Variants in DDX42 observed in about 807,000 individuals in gnomAD.
DDX42 encodes DEAD-box helicase 42.
A neutral mutation model predicts 101.5 loss-of-function variants in DDX42; 22 were observed. That is an observed-to-expected ratio of 0.22 (90% CI 0.15 to 0.31). The LOEUF is 0.31. DDX42 is among the 10% of genes least tolerant of loss of function. The probability of loss-of-function intolerance (pLI) is 1.00; values close to 1 mark genes in which losing one functional copy is unlikely to be tolerated. For missense variants in DDX42, 849 were observed against 1,199.9 expected, an observed-to-expected ratio of 0.71 and a Z score of 4.32; for synonymous variants, 402 against 401.2, an observed-to-expected ratio of 1.00 and a Z score of -0.02.
intron 12 of DDX42, 75 bp from the exon 13 acceptor site, chr17:63,811,001 A>G (rs555349345): frequency 8.1e-7 from 1 of 1,232,284 alleles, no homozygotes; most frequent in African/African-American, 1.5e-5. Flanking sequence ...AATAATCCTG[A>G]ATGCCAAAGA....
Position 63,818,047 on chromosome 17 carries a change from A to G in DDX42, c.2466A>G (p.Gly822=), listed in dbSNP as rs1428782164. 1 of 1,614,000 alleles carries G rather than the reference A, an allele frequency of 6.2e-7. No homozygotes were observed. Among genetic ancestry groups the G allele is most frequent in the Admixed American group, 1.7e-5 (1 of 60,004 alleles). The change falls in exon 18 of 18, where the codon GGA becomes GGG. Residue 822 remains glycine (G), a synonymous_variant. Coordinates refer to ENST00000389924, the MANE Select transcript of DDX42 (RefSeq NM_203499.3). ...ENRGSSRHSH[G]ETGNRHSDSP... is the part of the protein sequence containing the mutation. ...GGGGCAGCAGCCGTCACAGTCACGG[A>G]GAGACTGGCAATCGGCATAGCGATA...
intron 1 of DDX42, 137 bp downstream of exon 1, chr17:63,774,513 G>C (rs1214580806): frequency 5.6e-6 from 1 of 177,574 alleles, no homozygotes; most frequent in Non-Finnish European, 1.2e-5. Flanking sequence ...ACCGGCGGCC[G>C]GGGTGCCGGG....
rs751261818 is a variant in DDX42, at chr17:63,817,865, G to A, written c.2284G>A (p.Gly762Ser). 4.3e-6 allele frequency: 7 copies of A among 1,614,050 alleles called. No homozygotes were observed. Among genetic ancestry groups the A allele is most frequent in the Non-Finnish European group, 5.9e-6 (7 of 1,180,026 alleles). Residue 762 changes from glycine to serine, a missense_variant, in exon 18 of 18, where the codon GGC (glycine) becomes AGC (serine). Physicochemically the swap from Gly to Ser is moderately conservative, Grantham distance 56. This residue lies in a region of DDX42 where 300 missense variants were observed against 304.9 expected (regional missense o/e 0.98). Coordinates refer to ENST00000389924, the MANE Select transcript of DDX42 (RefSeq NM_203499.3). ...PDSPVTSAAK[G>S]IPGFGNTGNI... ...CAGCCCCGTCACCAGTGCCGCCAAG[G>A]GCATCCCAGGCTTTGGCAATACTGG... is the stretch of plus-strand genomic sequence containing the variant.
chr17:63,809,695 C>G, intron 11 of DDX42, 36 bp downstream of exon 11: 3 of 1,528,322 alleles, frequency 2.0e-6, no homozygotes, highest in Non-Finnish European at 2.7e-6. Flanking sequence ...TGTCCCCATC[C>G]TCATGATACT....
intron 17 of DDX42, 52 bp downstream of exon 17, chr17:63,817,018 G>C (rs774689334): frequency 6.6e-7 from 1 of 1,507,540 alleles, no homozygotes; most frequent in African/African-American, 1.4e-5. Flanking sequence ...CTCTTGGGCA[G>C]TGACAGAGGG....
In DDX42 at chr17:63,816,972, A is replaced by C; in HGVS notation, c.2112+6A>C. On this transcript the variant is annotated splice_donor_region_variant and intron_variant, in intron 17 of 17. Transcript: ENST00000389924. The stretch of plus-strand genomic sequence containing the variant: ...CAATGAAAGCAGCTTTCCAGGTCTG[A>C]AATAAGCATTTCATTAAAAGCACTT... 1 of 1,612,242 alleles carries C rather than the reference A, an allele frequency of 6.2e-7. No individual in the cohort carries two copies. The highest frequency in any genetic ancestry group is 8.5e-7 in the Non-Finnish European group (1 of 1,178,896).
At chr17:63,783,273 A>G (rs1456960458) in intron 1 of DDX42, among the ~76,000 whole-genome samples, 1 of 152,228 alleles carries the variant, frequency 6.6e-6, no homozygotes, top group East Asian at 1.9e-4. Context: ...TGACCTTCTC[A>G]GCAAGCTTTC....
intron 17 of DDX42, 32 bp downstream of exon 17, chr17:63,816,998 TC>T (rs756173294): frequency 3.8e-5 from 60 of 1,592,298 alleles, no homozygotes; most frequent in Admixed American, 8.4e-5. Flanking sequence ...AAAAGCACTT[TC>T]AGCAGTAACT....
rs780070919 is a variant in DDX42, at chr17:63,787,905, G to GTTTT, written c.221+649_221+652dup. Among the ~76,000 whole-genome samples the GTTTT allele has an allele frequency of 1.8e-4, 19 of 107,870 alleles. 1 individual carries two copies. The highest frequency in any genetic ancestry group is 5.1e-4 in the African/African-American group (12 of 23,744). The allele number at this position is 107,870 out of a possible 152,430, so 70.8% of individuals were successfully genotyped here. ...TGAAGAGTTTTATATAATTCATGTG[G>GTTTT]TTTTTTTTTTTTTTTTTGGAGGCAG... On this transcript the variant is annotated intron_variant, in intron 2 of 17. Coordinates refer to ENST00000389924, the MANE Select transcript of DDX42 (RefSeq NM_203499.3).
intron 3 of DDX42, among the ~76,000 whole-genome samples, chr17:63,796,380 G>T (rs974159835): frequency 8.5e-5 from 13 of 152,182 alleles, no homozygotes; most frequent in African/African-American, 3.1e-4. Flanking sequence ...CTCAGTCTCA[G>T]CTCACCACAA....
intron 6 of DDX42, among the ~76,000 whole-genome samples, chr17:63,804,079 A>G (rs1465335043): frequency 1.3e-5 from 2 of 151,970 alleles, no homozygotes; most frequent in East Asian, 3.9e-4. Context: ...TCTTCTTCCA[A>G]TTTTTTTTAT....
At chr17:63,774,917 A>G (rs1321273243) in intron 1 of DDX42, 1 of 152,488 alleles carries the variant, frequency 6.6e-6, no homozygotes, top group Non-Finnish European at 1.5e-5. Context: ...AATAATTTAC[A>G]TGGAATTGCA....
intron 1 of DDX42, among the ~76,000 whole-genome samples, chr17:63,777,956 T>A (rs117794955): frequency 1.3e-5 from 2 of 152,174 alleles, no homozygotes; most frequent in African/African-American, 4.8e-5. Flanking sequence ...CTGGGAAATA[T>A]GAATGGTAAA....
intron 1 of DDX42, among the ~76,000 whole-genome samples, chr17:63,778,070 ACCTGGAAAGGGTTTTCGATAAG>A (rs548867003): frequency 7.3e-4 from 111 of 152,190 alleles, no homozygotes; most frequent in African/African-American, 2.5e-3. Context: ...TTCTGGAAGA[ACCTGGAAAGGGTTTTCGATAAG>A]CATCTGAATA....
At chr17:63,811,905 T>C (rs2039915064) in intron 13 of DDX42, 27 bp from the exon 14 acceptor site, 3 of 1,614,068 alleles carry the variant, frequency 1.9e-6, no homozygotes, top group Non-Finnish European at 1.7e-6. Flanking sequence ...AATGTCACAA[T>C]CATCTGTTTC....
intron 1 of DDX42, among the ~76,000 whole-genome samples, chr17:63,784,770 T>TTAA (rs2039526251): frequency 7.1e-6 from 1 of 140,362 alleles, no homozygotes; most frequent in Non-Finnish European, 1.6e-5. Context: ...AGAACTTGTC[T>TTAA]TAAAAAAAGA....
intron 1 of DDX42, among the ~76,000 whole-genome samples, chr17:63,786,679 ACTT>A (rs1327135355): frequency 6.6e-6 from 1 of 150,618 alleles, no homozygotes; most frequent in African/African-American, 2.4e-5. Context: ...GGGGCTATAT[ACTT>A]CTTTTTTGTT....
At chr17:63,803,848 C>T (rs1298038975) in intron 6 of DDX42, among the ~76,000 whole-genome samples, 1 of 151,808 alleles carries the variant, frequency 6.6e-6, no homozygotes, top group Non-Finnish European at 1.5e-5. Context: ...CGGGCTTTCA[C>T]CATGTTGGCC....
chr17:63,799,756 C>A, intron 5 of DDX42, 131 bp downstream of exon 5: 1 of 878,626 alleles, frequency 1.1e-6, no homozygotes, highest in East Asian at 2.6e-5. Flanking sequence ...TGATTTGCTC[C>A]TTTTGTACCT....
Sources: gnomAD v4.1 joint callset for allele counts (sites outside exome capture counted in the v4.1 genomes callset) on GRCh38, gnomAD v4.1.1 for gene constraint, gnomAD v4.1.1 regional missense constraint, MANE v1.5 for transcripts, NCBI Gene and HGNC (gene_info 2026-07-23, HGNC 2026-07-21) for gene names.